Variants in FCHSD2 observed in about 807,000 individuals in gnomAD.
The protein encoded by FCHSD2 is F-BAR and double SH3 domains protein 2.
In FCHSD2, 38 loss-of-function variants were observed where a neutral mutation model predicts 108.1. That is an observed-to-expected ratio of 0.35 (90% confidence interval 0.27 to 0.46). FCHSD2 has a LOEUF of 0.46. Among genes scored for constraint, FCHSD2 ranks in the 20% least tolerant of loss-of-function variants. The pLI, the probability that FCHSD2 is intolerant of heterozygous loss-of-function variation, is 1.00. For missense variants in FCHSD2, 751 were observed against 897.8 expected, an observed-to-expected ratio of 0.84 and a Z score of 2.09; for synonymous variants, 279 against 314.7, an observed-to-expected ratio of 0.89 and a Z score of 1.20.
chr11:72,924,515 C>T (rs1414932391), intron 8 of FCHSD2, among the ~76,000 whole-genome samples: 1 of 150,430 alleles, frequency 6.6e-6, no homozygotes, highest in African/African-American at 2.4e-5. Context: ...ATCTCCTGAT[C>T]TCGTGATCCG....
At chr11:72,975,334 T>G (rs1282205678) in intron 8 of FCHSD2, among the ~76,000 whole-genome samples, 2 of 152,160 alleles carry the variant, frequency 1.3e-5, no homozygotes, top group Non-Finnish European at 2.9e-5. Context: ...AGAGAGTAGA[T>G]TGGTGGTTAC....
intron 14 of FCHSD2, among the ~76,000 whole-genome samples, chr11:72,843,917 A>G (rs1861044879): frequency 1.3e-5 from 2 of 152,044 alleles, no homozygotes; most frequent in Non-Finnish European, 2.9e-5. Flanking sequence ...CTGAGGTGGG[A>G]GGATCGCTTG....
At position 72,923,880 on chromosome 11, in the gene FCHSD2, A is replaced by G. The variant is rs553677978; in HGVS notation, c.706-1930T>C. Among the ~76,000 whole-genome samples, 179 of 152,324 alleles carry G rather than the reference A, an allele frequency of 1.2e-3. 1 individual carries two copies. Among genetic ancestry groups the G allele is most frequent in the African/African-American group, 4.1e-3 (172 of 41,572 alleles). On this transcript the variant is annotated intron_variant, in intron 8 of 19. Coordinates refer to ENST00000409418, the MANE Select transcript of FCHSD2 (RefSeq NM_014824.3). Reference sequence around the variant, plus strand: ...CTTGTACCCAGGAGGTGGAGGTTGCAGTAAGCCGAGTTTGTGCTATTGAAA... The same window carrying G: ...CTTGTACCCAGGAGGTGGAGGTTGCGGTAAGCCGAGTTTGTGCTATTGAAA...
At chr11:72,971,429 A>G (rs959351431) in intron 8 of FCHSD2, among the ~76,000 whole-genome samples, 1 of 152,158 alleles carries the variant, frequency 6.6e-6, no homozygotes, top group African/African-American at 2.4e-5. Flanking sequence ...AAATGGCAAA[A>G]GGGAGATTAT....
intron 2 of FCHSD2, among the ~76,000 whole-genome samples, chr11:73,133,843 C>A (rs1170588903): frequency 1.3e-5 from 2 of 149,268 alleles, no homozygotes; most frequent in South Asian, 2.1e-4. Context: ...AGAAACCAGT[C>A]GCAAGATTCC....
chr11:73,053,444 ATGAATATCC>A (rs1165675444), intron 3 of FCHSD2, among the ~76,000 whole-genome samples: 3 of 152,154 alleles, frequency 2.0e-5, no homozygotes, highest in Non-Finnish European at 2.9e-5. Flanking sequence ...AAAGTTAGAC[ATGAATATCC>A]TGAGCTTGCT....
chr11:73,023,167 A>T (rs1858147834), intron 3 of FCHSD2, among the ~76,000 whole-genome samples: 1 of 152,166 alleles, frequency 6.6e-6, no homozygotes, highest in Non-Finnish European at 1.5e-5. Flanking sequence ...ACCAGAACCA[A>T]GACACATGAA....
At chr11:72,906,550 T>C (rs1016743797) in intron 9 of FCHSD2, among the ~76,000 whole-genome samples, 5 of 152,240 alleles carry the variant, frequency 3.3e-5, no homozygotes, top group Non-Finnish European at 5.9e-5. Context: ...AGGGTTTTTA[T>C]GGTGTTAGGA....
chr11:73,034,074 T>C (rs1274419582), intron 3 of FCHSD2, among the ~76,000 whole-genome samples: 1 of 152,184 alleles, frequency 6.6e-6, no homozygotes, highest in African/African-American at 2.4e-5. Context: ...TTTTTCTTTT[T>C]TAAAAAATTA....
At chr11:72,838,950 C>T (rs1263159470) in intron 19 of FCHSD2, 76 bp from the exon 20 acceptor site, 6 of 1,364,454 alleles carry the variant, frequency 4.4e-6, no homozygotes, top group Non-Finnish European at 6.2e-6. Context: ...AACCTAATCA[C>T]TCATCTGTCC....
Position 72,885,582 on chromosome 11 carries a change from T to C in FCHSD2, c.1146+1888A>G, listed in dbSNP as rs78104946. On this transcript the variant is annotated intron_variant, in intron 12 of 19. Coordinates refer to ENST00000409418, the MANE Select transcript of FCHSD2 (RefSeq NM_014824.3). ...TTCGTGGAGTTAGGGTACCAGTCGG[T>C]GATACCATGCATGGGGTCTGGAAAT... Among the ~76,000 whole-genome samples the C allele has an allele frequency of 6.7e-3, 1,019 of 152,212 alleles. 9 individuals are homozygous for C. Among genetic ancestry groups the C allele is most frequent in the Non-Finnish European group, 0.01 (693 of 68,008 alleles).
At chr11:73,082,108 T>A (rs756984317) in intron 3 of FCHSD2, among the ~76,000 whole-genome samples, 1 of 151,548 alleles carries the variant, frequency 6.6e-6, no homozygotes, top group East Asian at 1.9e-4. Flanking sequence ...GAGGCCGAGG[T>A]AGGCGGATCA....
At chr11:73,096,987 A>AATTTTTT (rs1860095700) in intron 2 of FCHSD2, among the ~76,000 whole-genome samples, 2 of 27,022 alleles carry the variant, frequency 7.4e-5, no homozygotes, top group African/African-American at 4.0e-4. Context: ...TCATTGATGG[A>AATTTTTT]TTTTTTTTTT....
At chr11:73,121,290 C>T (rs1746488140) in intron 2 of FCHSD2, among the ~76,000 whole-genome samples, 1 of 151,996 alleles carries the variant, frequency 6.6e-6, no homozygotes, top group African/African-American at 2.4e-5. Context: ...GCAATTTTAT[C>T]CCCATCTCAT....
rs34152540 is a variant in FCHSD2, at chr11:72,983,155, G to A, written c.705+933C>T. 3.7e-3 allele frequency among the ~76,000 whole-genome samples: 554 copies of A among 151,600 alleles called. 2 individuals are homozygous for A. Among genetic ancestry groups the A allele is most frequent in the African/African-American group, 0.013 (531 of 41,480 alleles). On this transcript the variant is annotated intron_variant, in intron 8 of 19. Coordinates refer to ENST00000409418, the MANE Select transcript of FCHSD2 (RefSeq NM_014824.3). ...TAAAAATACAAAAAATTAGCTGGGCGTAGTGGCGGGCGCCTGTAGTCCCAG... is the reference window on the plus strand; with the variant it reads ...TAAAAATACAAAAAATTAGCTGGGCATAGTGGCGGGCGCCTGTAGTCCCAG...
chr11:72,919,947 T>C (rs1175392122), intron 9 of FCHSD2, among the ~76,000 whole-genome samples: 1 of 151,292 alleles, frequency 6.6e-6, no homozygotes. Context: ...GAGAAAAAAA[T>C]AGATATAAAA....
At chr11:72,921,388 T>C (rs543239742) in intron 9 of FCHSD2, among the ~76,000 whole-genome samples, 9 of 152,340 alleles carry the variant, frequency 5.9e-5, no homozygotes, top group African/African-American at 2.2e-4. Flanking sequence ...ATATAGATAG[T>C]AGGGCTTAAT....
chr11:72,944,951 A>G (rs909077256), intron 8 of FCHSD2, among the ~76,000 whole-genome samples: 3 of 152,318 alleles, frequency 2.0e-5, no homozygotes, highest in South Asian at 2.1e-4. Flanking sequence ...GGAAGAATCA[A>G]TATCGTGAAA....
intron 3 of FCHSD2, among the ~76,000 whole-genome samples, chr11:73,060,912 T>C (rs1859144025): frequency 6.6e-6 from 1 of 152,184 alleles, no homozygotes; most frequent in East Asian, 1.9e-4. Flanking sequence ...GAGATTCCCG[T>C]GTTCATGAAG....
Sources: allele counts gnomAD v4.1 joint callset (sites outside exome capture counted in the v4.1 genomes callset), GRCh38; gene constraint gnomAD v4.1.1; transcripts MANE v1.5; gene names NCBI Gene and HGNC (gene_info 2026-07-23, HGNC 2026-07-21).